NRG1: variants seen among roughly 807,000 people sequenced by gnomAD.
NRG1 encodes pro-neuregulin-1, membrane-bound isoform.
NRG1 carries 18 observed loss-of-function variants against 63.8 expected under a neutral mutation model. The ratio of observed to expected loss-of-function variants is 0.28; its 90% CI spans 0.19 to 0.42. The LOEUF (loss-of-function observed/expected upper bound fraction) is 0.42. Ranked by LOEUF, NRG1 falls within the 10% of genes least tolerant of loss-of-function variation. NRG1 has a pLI of 1.00. For missense variants in NRG1, 762 were observed against 814.7 expected, an observed-to-expected ratio of 0.94 and a Z score of 0.79; for synonymous variants, 302 against 301.3, an observed-to-expected ratio of 1.00 and a Z score of -0.02.
chr8:32,687,690 A>T (rs1589212231), intron 5 of NRG1, among the ~76,000 whole-genome samples: 1 of 152,324 alleles, frequency 6.6e-6, no homozygotes, highest in East Asian at 1.9e-4. Context: ...CCAAACCACA[A>T]GCTGTTCTTG....
At chr8:32,414,340 A>G (rs1162793751) in intron 1 of NRG1, among the ~76,000 whole-genome samples, 1 of 152,202 alleles carries the variant, frequency 6.6e-6, no homozygotes, top group African/African-American at 2.4e-5. Flanking sequence ...TACCACCTCA[A>G]TTCAAACTAG....
chr8:32,236,920 C>G (rs932733672), intron 1 of NRG1, among the ~76,000 whole-genome samples: 4 of 152,178 alleles, frequency 2.6e-5, no homozygotes, highest in South Asian at 4.2e-4. Flanking sequence ...CAGCTGACTC[C>G]AAGATGAGTG....
chr8:32,122,605 G>A (rs1449017401), intron 1 of NRG1, among the ~76,000 whole-genome samples: 2 of 151,376 alleles, frequency 1.3e-5, no homozygotes, highest in African/African-American at 4.9e-5. Context: ...GTTTGATTTG[G>A]TTAAGAACTT....
At chr8:31,878,448 C>T (rs1830092574) in intron 1 of NRG1, among the ~76,000 whole-genome samples, 1 of 152,058 alleles carries the variant, frequency 6.6e-6, no homozygotes, top group Non-Finnish European at 1.5e-5. Flanking sequence ...GGCCAAAAAG[C>T]CCTGAAATAA....
At position 32,716,636 on chromosome 8, in the gene NRG1, A is replaced by C. The variant is rs564209781; in HGVS notation, c.503-11313A>C. On this transcript the variant is annotated intron_variant, in intron 5 of 11. Coordinates refer to ENST00000356819, the Ensembl canonical transcript of NRG1. Reference sequence around the variant, plus strand: ...TGGACCTTAATATTCCTTGTGTCTGACGATGCAGGAATTTAGCCAGGCAAG... The same window carrying C: ...TGGACCTTAATATTCCTTGTGTCTGCCGATGCAGGAATTTAGCCAGGCAAG... Among the ~76,000 whole-genome samples, 10 of 152,270 alleles carry C rather than the reference A, an allele frequency of 6.6e-5. No homozygotes were observed. In the South Asian group the frequency reaches 2.1e-3, roughly 32 times the overall value.
intron 1 of NRG1, among the ~76,000 whole-genome samples, chr8:32,473,869 A>G (rs1226759803): frequency 1.3e-5 from 2 of 152,010 alleles, no homozygotes; most frequent in African/African-American, 2.4e-5. Context: ...ATTTTTTTCT[A>G]GAGACGATGT....
chr8:31,955,079 T>A (rs1804143386), intron 1 of NRG1, among the ~76,000 whole-genome samples: 1 of 152,182 alleles, frequency 6.6e-6, no homozygotes, highest in Non-Finnish European at 1.5e-5. Context: ...AATTATTTAG[T>A]TGATACTATT....
intron 1 of NRG1, among the ~76,000 whole-genome samples, chr8:32,158,447 T>TGATAGATA (rs1352331622): frequency 1.7e-4 from 5 of 30,270 alleles, no homozygotes; most frequent in Non-Finnish European, 3.5e-4. Context: ...TTGGTTTACA[T>TGATAGATA]GATATATATA....
At chr8:32,750,760 G>A (rs927557730) in intron 7 of NRG1, among the ~76,000 whole-genome samples, 3 of 148,486 alleles carry the variant, frequency 2.0e-5, no homozygotes, top group Admixed American at 2.0e-4. Flanking sequence ...TTGATGAGAA[G>A]CCCCCAGGTG....
intron 5 of NRG1, among the ~76,000 whole-genome samples, chr8:32,662,197 G>A (rs1026662012): frequency 1.3e-5 from 2 of 152,084 alleles, no homozygotes; most frequent in African/African-American, 4.8e-5. Flanking sequence ...AAACAGAATG[G>A]TCAGGAAAGG....
intron 1 of NRG1, among the ~76,000 whole-genome samples, chr8:32,042,465 G>A (rs1318164927): frequency 6.6e-6 from 1 of 151,536 alleles, no homozygotes; most frequent in Non-Finnish European, 1.5e-5. Flanking sequence ...CAAAAAACAA[G>A]ACTTAGAGTC....
intron 5 of NRG1, among the ~76,000 whole-genome samples, chr8:32,704,360 T>A (rs1487119297): frequency 6.6e-6 from 1 of 152,236 alleles, no homozygotes; most frequent in African/African-American, 2.4e-5. Flanking sequence ...TATTTTCATT[T>A]GAAGAGCAGT....
rs553996344 is a variant in NRG1, at chr8:32,183,803, G to A, written c.38-412025G>A. On this transcript the variant is annotated intron_variant, in intron 1 of 10. Transcript: ENST00000519301. The stretch of plus-strand genomic sequence containing the variant: ...CCTCCAGGTCTCATTAGCCACTTCA[G>A]ATAGGCTCTGCAGCTCTTTAATGTT... Among the ~76,000 whole-genome samples the A allele has an allele frequency of 9.2e-5, 14 of 152,294 alleles. No individual in the cohort carries two copies. The East Asian group carries it at 2.7e-3, about 29-fold the overall frequency.
At chr8:32,559,024 G>A (rs35919297) in intron 1 of NRG1, among the ~76,000 whole-genome samples, 29,324 of 146,872 alleles carry the variant, frequency 0.2, 3,693 homozygotes, top group Admixed American at 0.33. Flanking sequence ...GGCTGTGGTG[G>A]GCAATTATGA....
At chr8:32,003,975 T>C (rs182875257) in intron 1 of NRG1, among the ~76,000 whole-genome samples, 13 of 152,182 alleles carry the variant, frequency 8.5e-5, no homozygotes, top group East Asian at 5.8e-4. Context: ...AATTTATTTT[T>C]AGTTTGACCA....
intron 1 of NRG1, among the ~76,000 whole-genome samples, chr8:31,909,653 C>T (rs1278096293): frequency 6.6e-6 from 1 of 152,128 alleles, no homozygotes; most frequent in Non-Finnish European, 1.5e-5. Flanking sequence ...TTACATATGA[C>T]TGTGGGAGGG....
At chr8:32,648,514 G>A in intron 5 of NRG1, 1 of 1,352,148 alleles carries the variant, frequency 7.4e-7, no homozygotes, top group African/African-American at 1.5e-5. Flanking sequence ...GCCTATGTTT[G>A]AGATGCTTGG....
intron 1 of NRG1, among the ~76,000 whole-genome samples, chr8:31,927,511 G>C (rs1378746318): frequency 8.0e-5 from 11 of 137,920 alleles, no homozygotes; most frequent in African/African-American, 8.0e-5. Flanking sequence ...TGCAGTGGCG[G>C]GATCTCGGCT....
At chr8:31,813,516 CTTTT>C (rs377718067) in intron 1 of NRG1, among the ~76,000 whole-genome samples, 39 of 101,152 alleles carry the variant, frequency 3.9e-4, no homozygotes, top group Non-Finnish European at 4.7e-4. Context: ...CTTTTCTTTT[CTTTT>C]TTTTTTTTTT....
Sources: allele counts gnomAD v4.1 joint callset (sites outside exome capture counted in the v4.1 genomes callset), GRCh38; gene constraint gnomAD v4.1.1; transcripts MANE v1.5; gene names NCBI Gene and HGNC (gene_info 2026-07-23, HGNC 2026-07-21).